Variants in MARCHF2 observed in about 807,000 individuals in gnomAD.
MARCHF2 encodes E3 ubiquitin-protein ligase MARCHF2.
MARCHF2 carries 22 observed loss-of-function variants against 24.0 expected under a neutral mutation model. That is an observed-to-expected ratio of 0.92 (90% CI 0.66 to 1.31). The LOEUF (loss-of-function observed/expected upper bound fraction) is 1.31. Ranked by LOEUF, MARCHF2 falls within the 50% of genes most tolerant of loss-of-function variation. The pLI, the probability that MARCHF2 is intolerant of heterozygous loss-of-function variation, is 0.00. For missense variants in MARCHF2, 301 were observed against 335.3 expected (o/e 0.90, Z 0.80); for synonymous variants, 154 against 153.0 (o/e 1.01, Z -0.05).
intron 4 of MARCHF2, among the ~76,000 whole-genome samples, chr19:8,437,138 C>T (rs576507201): frequency 6.6e-6 from 1 of 152,058 alleles, no homozygotes. Context: ...GGCCACCACA[C>T]CTGGCTAATT....
At chr19:8,423,616 T>G (rs1669255698) in intron 2 of MARCHF2, 1 of 152,038 alleles carries the variant, frequency 6.6e-6, no homozygotes, top group Non-Finnish European at 1.5e-5. Context: ...ACAGGACTGT[T>G]GAGAAAGCAG....
intron 4 of MARCHF2, among the ~76,000 whole-genome samples, chr19:8,436,869 T>C (rs1054724080): frequency 5.9e-5 from 9 of 151,958 alleles, no homozygotes; most frequent in Non-Finnish European, 4.4e-5. Flanking sequence ...TTTGTATTTT[T>C]AATAGAGATG....
At chr19:8,419,259 G>T (rs1300514494) in intron 1 of MARCHF2, among the ~76,000 whole-genome samples, 1 of 151,980 alleles carries the variant, frequency 6.6e-6, no homozygotes, top group East Asian at 1.9e-4. Flanking sequence ...ACTCTGGGAG[G>T]CCAAGGCAGG....
At chr19:8,424,483 C>T (rs1289796271) in intron 2 of MARCHF2, among the ~76,000 whole-genome samples, 3 of 151,932 alleles carry the variant, frequency 2.0e-5, no homozygotes, top group South Asian at 2.1e-4. Context: ...CTGGCTAACA[C>T]GGTGAAACCC....
intron 1 of MARCHF2, among the ~76,000 whole-genome samples, chr19:8,419,082 C>T (rs1011297323): frequency 6.6e-6 from 1 of 151,940 alleles, no homozygotes; most frequent in Non-Finnish European, 1.5e-5. Flanking sequence ...TCTGCCGGGC[C>T]GGGTGCAGTG....
At chr19:8,434,795 C>T (rs568149569) in intron 4 of MARCHF2, among the ~76,000 whole-genome samples, 12 of 152,220 alleles carry the variant, frequency 7.9e-5, no homozygotes, top group Admixed American at 2.0e-4. Flanking sequence ...CAACTTCCGC[C>T]TCCCGGGTTC....
At chr19:8,437,471 C>T (rs1967759342) in intron 4 of MARCHF2, among the ~76,000 whole-genome samples, 1 of 150,918 alleles carries the variant, frequency 6.6e-6, no homozygotes, top group African/African-American at 2.4e-5. Flanking sequence ...CCTGCCTCAG[C>T]GTCCCGAGTA....
chr19:8,417,441 CT>C lies in MARCHF2; in HGVS notation c.-53+4030del, dbSNP rs1388928195. The stretch of plus-strand genomic sequence containing the variant: ...CCTGGGTAACAGAGTGAGACCCTGT[CT>C]TTTTTTTTGGGCGGGGGGATGAAGT... On this transcript the variant is annotated intron_variant, in intron 1 of 4. Transcript: ENST00000215555. Among the ~76,000 whole-genome samples, 12 of 150,854 alleles carry C rather than the reference CT, an allele frequency of 8.0e-5. No individual in the cohort carries two copies. In the South Asian group the frequency reaches 2.6e-3, roughly 32 times the overall value.
intron 2 of MARCHF2, among the ~76,000 whole-genome samples, chr19:8,424,540 G>A (rs1443791903): frequency 1.3e-5 from 2 of 151,930 alleles, no homozygotes; most frequent in African/African-American, 2.4e-5. Context: ...GGTGGCCGGC[G>A]CCTGTAGTCC....
Position 8,430,952 on chromosome 19 carries a change from G to C in MARCHF2, c.582+85G>C, listed in dbSNP as rs1325544421. Reference sequence around the variant, plus strand: ...CAAGGATTTGGCCCCTGGCTTGTGGGGCACGGGGCTCCCTGGCTGCCTCTG... The same window carrying C: ...CAAGGATTTGGCCCCTGGCTTGTGGCGCACGGGGCTCCCTGGCTGCCTCTG... On this transcript the variant is annotated intron_variant, in intron 4 of 4. Coordinates refer to ENST00000215555, the MANE Select transcript of MARCHF2 (RefSeq NM_001005415.2). This position sits in a 1 kb window ranked among gnomAD's most constrained non-coding sequence, Gnocchi z 4.4. 2 of 1,363,722 alleles carry C rather than the reference G, an allele frequency of 1.5e-6. No individual in the cohort carries two copies. The highest frequency in any genetic ancestry group is 2.9e-5 in the African/African-American group (2 of 69,694). The allele number at this position is 1,363,722 out of a possible 1,614,324, so 84.5% of individuals were successfully genotyped here. A position where few individuals can be genotyped will look rare whatever the true frequency, so the allele number is the denominator to read the frequency against.
intron 4 of MARCHF2, among the ~76,000 whole-genome samples, chr19:8,437,902 G>A (rs1599720458): frequency 1.3e-5 from 2 of 151,870 alleles, no homozygotes; most frequent in Admixed American, 6.6e-5. Flanking sequence ...GTGCCACCAC[G>A]CCAGGCTAAT....
intron 4 of MARCHF2, among the ~76,000 whole-genome samples, chr19:8,433,406 C>T (rs1417310316): frequency 1.3e-5 from 2 of 151,162 alleles, no homozygotes; most frequent in Non-Finnish European, 2.9e-5. Flanking sequence ...TGGCCAGGCA[C>T]GGTGGCTCAC....
intron 1 of MARCHF2, 93 bp from the exon 2 acceptor site, chr19:8,421,696 G>T (rs895108278): frequency 1.6e-6 from 1 of 634,516 alleles, no homozygotes; most frequent in Non-Finnish European, 2.6e-6. Flanking sequence ...AAATGGTCTA[G>T]TGGTCCCTAC....
At chr19:8,422,327 G>C (rs1455283707) in intron 2 of MARCHF2, among the ~76,000 whole-genome samples, 4 of 152,082 alleles carry the variant, frequency 2.6e-5, no homozygotes, top group African/African-American at 9.7e-5. Context: ...CAGTGCCTCG[G>C]CCCTGACCCT....
At chr19:8,435,128 C>G (rs1417681769) in intron 4 of MARCHF2, among the ~76,000 whole-genome samples, 2 of 149,764 alleles carry the variant, frequency 1.3e-5, no homozygotes, top group Admixed American at 1.3e-4. Flanking sequence ...AAGCAATTAT[C>G]CTGCCTCAGC....
At chr19:8,425,131 T>A (rs1289079046) in intron 2 of MARCHF2, among the ~76,000 whole-genome samples, 1 of 152,054 alleles carries the variant, frequency 6.6e-6, no homozygotes, top group Non-Finnish European at 1.5e-5. Context: ...ATCCCAGCAC[T>A]TTGGGAGGCT....
chr19:8,421,027 G>A (rs1599702804), intron 1 of MARCHF2, among the ~76,000 whole-genome samples: 1 of 151,938 alleles, frequency 6.6e-6, no homozygotes, highest in East Asian at 1.9e-4. Flanking sequence ...TCAAACTCCT[G>A]GGGCTCAAAC....
chr19:8,438,140 C>T (rs1265863099), intron 4 of MARCHF2, among the ~76,000 whole-genome samples: 1 of 152,086 alleles, frequency 6.6e-6, no homozygotes, highest in African/African-American at 2.4e-5. Flanking sequence ...AAGGAGCTCC[C>T]GTTTGCTTCC....
At chr19:8,434,141 G>T (rs1967653286) in intron 4 of MARCHF2, among the ~76,000 whole-genome samples, 1 of 139,950 alleles carries the variant, frequency 7.1e-6, no homozygotes, top group African/African-American at 2.6e-5. Flanking sequence ...CTAGAGTGCA[G>T]TGGCACAATG....
Sources: gnomAD v4.1 joint callset for allele counts (sites outside exome capture counted in the v4.1 genomes callset) on GRCh38, gnomAD v4.1.1 for gene constraint, Gnocchi (gnomAD v3.1) non-coding constraint, MANE v1.5 for transcripts, NCBI Gene and HGNC (gene_info 2026-07-23, HGNC 2026-07-21) for gene names.